NPEPL1: variants seen among roughly 807,000 people sequenced by gnomAD.
NPEPL1 encodes aminopeptidase like 1, also known as probable aminopeptidase NPEPL1.
A neutral mutation model predicts 52.4 loss-of-function variants in NPEPL1; 45 were observed. That is an observed-to-expected ratio of 0.86 (90% confidence interval 0.68 to 1.10). The LOEUF is 1.10. Ranked by LOEUF, NPEPL1 falls within the 50% of genes least tolerant of loss-of-function variation. The pLI, the probability that NPEPL1 is intolerant of heterozygous loss-of-function variation, is 0.00. For synonymous variants in NPEPL1, 360 were observed against 314.7 expected, an observed-to-expected ratio of 1.14 and a Z score of -1.52; for missense variants, 696 against 710.9, an observed-to-expected ratio of 0.98 and a Z score of 0.24.
chr20:58,694,053 C>T, intron 2 of NPEPL1, 131 bp downstream of exon 2: 2 of 916,860 alleles, frequency 2.2e-6, no homozygotes, highest in Non-Finnish European at 1.6e-6. Context: ...CATCCCTGCT[C>T]TGTAGACAGG....
At chr20:58,691,071 T>C (rs1391899907), upstream of NPEPL1, 1 of 702,864 alleles carries the variant, frequency 1.4e-6, no homozygotes, top group Non-Finnish European at 2.6e-6. Context: ...TCTCAATCTC[T>C]TCGCCTGTGG....
At chr20:58,703,220 G>C (rs981780141) in intron 6 of NPEPL1, among the ~76,000 whole-genome samples, 1 of 152,216 alleles carries the variant, frequency 6.6e-6, no homozygotes, top group Non-Finnish European at 1.5e-5. Context: ...TTCAGGATAA[G>C]TAACAACGAT....
At chr20:58,704,030 G>T in intron 6 of NPEPL1, 2 of 985,394 alleles carry the variant, frequency 2.0e-6, no homozygotes, top group Non-Finnish European at 2.4e-6. Flanking sequence ...ACCGTTCTAC[G>T]TGGATTTGGG....
chr20:58,695,707 C>T (rs1453079057), intron 3 of NPEPL1, among the ~76,000 whole-genome samples: 1 of 152,254 alleles, frequency 6.6e-6, no homozygotes, highest in Non-Finnish European at 1.5e-5. Flanking sequence ...CCCCTCAACC[C>T]AAATTCTTCC....
At chr20:58,703,984 A>G (rs146534406) in intron 6 of NPEPL1, 1 of 985,322 alleles carries the variant, frequency 1.0e-6, no homozygotes, top group African/African-American at 1.7e-5. Context: ...CTGGTTTTTT[A>G]TTTTAAACCA....
intron 6 of NPEPL1, chr20:58,705,638 A>G (rs2084721681): frequency 2.3e-6 from 1 of 438,086 alleles, no homozygotes; most frequent in Non-Finnish European, 4.7e-6. Flanking sequence ...TCTTCTATAA[A>G]AACAGAAACA....
chr20:58,713,001 CA>C lies in NPEPL1; in HGVS notation c.1002-415del, dbSNP rs1415130673. 1 of 370,782 alleles carries C rather than the reference CA, an allele frequency of 2.7e-6. No homozygotes were observed. The highest frequency in any genetic ancestry group is 3.7e-5 in the Admixed American group (1 of 26,848). 23.0% of individuals were successfully genotyped at this position (370,782 alleles called of 1,614,324 possible). ...CTGAGGAGCAAGTGGCTCCAGAATTCAAAAGAGAAGAGCCCTCTCCCCAGCC... is the reference window on the plus strand; with the variant it reads ...CTGAGGAGCAAGTGGCTCCAGAATTCAAAGAGAAGAGCCCTCTCCCCAGCC... On this transcript the variant is annotated intron_variant, in intron 8 of 11. Coordinates refer to ENST00000356091, the MANE Select transcript of NPEPL1 (RefSeq NM_024663.4). This position sits in a 1 kb window ranked among gnomAD's most constrained non-coding sequence, Gnocchi z 4.6.
chr20:58,705,566 G>A (rs1219705081), intron 6 of NPEPL1: 1 of 456,154 alleles, frequency 2.2e-6, no homozygotes, highest in Non-Finnish European at 4.4e-6. Flanking sequence ...CCAGCACAGG[G>A]GGTGTAAGTG....
rs1264823215 is a variant in NPEPL1, at chr20:58,692,868, C to T, written c.-33C>T. ...GGGCCGAGCGGCGGGCCGGGCCGGG[C>T]CGGGCAGGGCCGGGGCGTGGGCCGG... On this transcript the variant is annotated 5_prime_UTR_variant, in exon 1 of 12. Transcript: ENST00000356091. The surrounding 1 kb of genome is among the most constrained non-coding windows in gnomAD (Gnocchi z 5.7). The T allele has an allele frequency of 9.9e-7, 1 of 1,007,600 alleles. No individual in the cohort carries two copies. Among genetic ancestry groups the T allele is most frequent in the Non-Finnish European group, 1.2e-6 (1 of 844,608 alleles). The allele number at this position is 1,007,600 out of a possible 1,614,324, so 62.4% of individuals were successfully genotyped here.
chr20:58,690,031 A>T (rs774775933), upstream of NPEPL1, among the ~76,000 whole-genome samples: 29 of 152,246 alleles, frequency 1.9e-4, no homozygotes, highest in Non-Finnish European at 3.7e-4. Context: ...GAGTCTAAGC[A>T]GGCATTAGGT....
chr20:58,694,262 G>A (rs572670845), intron 2 of NPEPL1, among the ~76,000 whole-genome samples, 160 bp from the exon 3 acceptor site: 3 of 152,272 alleles, frequency 2.0e-5, no homozygotes, highest in Non-Finnish European at 2.9e-5. Flanking sequence ...CCATGGTTCC[G>A]GGGATGACCT....
chr20:58,714,672 TGA>T lies in NPEPL1; in HGVS notation c.1413+4_1413+5del. Reference sequence around the variant, plus strand: ...GACATTGCTGCACCGGTGCATGCTGTGAGTGTCTCCCCTCCCCACTGGCCCTG... The same window carrying T: ...GACATTGCTGCACCGGTGCATGCTGTGTGTCTCCCCTCCCCACTGGCCCTG... On this transcript the variant is annotated splice_donor_region_variant and intron_variant, in intron 11 of 11. Coordinates refer to ENST00000356091, the MANE Select transcript of NPEPL1 (RefSeq NM_024663.4). 6.3e-7 allele frequency: 1 copy of T among 1,582,018 alleles called. No individual in the cohort carries two copies. The highest frequency in any genetic ancestry group is 8.6e-7 in the Non-Finnish European group (1 of 1,165,704).
In NPEPL1 at chr20:58,693,004, C is replaced by A; in HGVS notation, c.104C>A (p.Pro35His). 1 of 1,133,122 alleles carries A rather than the reference C, an allele frequency of 8.8e-7. No individual in the cohort carries two copies. The highest frequency in any genetic ancestry group is 1.7e-5 in the African/African-American group (1 of 60,200). 70.2% of individuals were successfully genotyped at this position (1,133,122 alleles called of 1,614,324 possible). A position where few individuals can be genotyped will look rare whatever the true frequency, so the allele number is the denominator to read the frequency against. ...CAGCTGCACCACCTGCACCGCGTGC[C>A]CTGGAGCCACGTCCGCGGGAAGCTG... ...LGQLHHLHRVPWSHVRGKLQP... is the reference protein window; with the variant it reads ...LGQLHHLHRVHWSHVRGKLQP... The change falls in exon 1 of 12, where the codon CCC becomes CAC. Residue 35 changes from proline (P) to histidine (H), a missense_variant. By Grantham distance (77) the Pro-to-His change is moderately conservative. Coordinates refer to ENST00000356091, the MANE Select transcript of NPEPL1 (RefSeq NM_024663.4).
rs1568850850 is a variant in NPEPL1 at position 58,699,270 on chromosome 20, G to C, written c.671G>C (p.Gly224Ala). The change falls in exon 5 of 12, where the codon GGA becomes GCA. Residue 224 changes from glycine (G) to alanine (A), a missense_variant. By Grantham distance (60) the Gly-to-Ala change is moderately conservative. Coordinates refer to ENST00000356091, the MANE Select transcript of NPEPL1 (RefSeq NM_024663.4). ...CGGGATGAGGAACTGAAGACGAGAG[G>C]ATTTGGAGGTGGGTGGGGGCTGCAT... ...IIRDEELKTR[G>A]FGGIYGVGKA... is the part of the protein sequence containing the mutation. The C allele has an allele frequency of 1.2e-6, 2 of 1,605,458 alleles. No homozygotes were observed. Among genetic ancestry groups the C allele is most frequent in the Admixed American group, 1.7e-5 (1 of 58,930 alleles).
intron 10 of NPEPL1, 103 bp downstream of exon 10, chr20:58,714,196 C>T (rs993792961): frequency 6.1e-6 from 8 of 1,318,578 alleles, no homozygotes; most frequent in Non-Finnish European, 6.1e-6. Flanking sequence ...TGGGGCCCCC[C>T]AGAAGCAGCC....
At chr20:58,712,437 CTA>C in intron 7 of NPEPL1, 40 bp from the exon 8 acceptor site, 1 of 1,407,808 alleles carries the variant, frequency 7.1e-7, no homozygotes, top group Non-Finnish European at 1.0e-6. Context: ...CTCCCCAAAC[CTA>C]TGACCTACAA....
intron 6 of NPEPL1, among the ~76,000 whole-genome samples, chr20:58,702,326 G>T (rs1226865246): frequency 6.6e-6 from 1 of 152,168 alleles, no homozygotes; most frequent in Admixed American, 6.5e-5. Flanking sequence ...TTTGGTTTGC[G>T]GTAGGCCCCA....
At chr20:58,695,822 A>G (rs987973555) in intron 3 of NPEPL1, among the ~76,000 whole-genome samples, 2 of 152,010 alleles carry the variant, frequency 1.3e-5, no homozygotes, top group African/African-American at 4.8e-5. Flanking sequence ...CTCTTAACCC[A>G]TGGAGACAGA....
chr20:58,707,316 A>C, intron 7 of NPEPL1, 116 bp downstream of exon 7: 1 of 964,750 alleles, frequency 1.0e-6, no homozygotes, highest in South Asian at 1.7e-5. Context: ...GAGTCTCCCC[A>C]GCGGATGCTT....
Sources: gnomAD v4.1 joint callset for allele counts (sites outside exome capture counted in the v4.1 genomes callset) on GRCh38, gnomAD v4.1.1 for gene constraint, Gnocchi (gnomAD v3.1) non-coding constraint, MANE v1.5 for transcripts, NCBI Gene and HGNC (gene_info 2026-07-23, HGNC 2026-07-21) for gene names.